TANC1: variants seen among roughly 807,000 people sequenced by gnomAD.
The protein encoded by TANC1 is protein TANC1.
Under a neutral mutation model 149.7 loss-of-function variants are expected in TANC1, and 77 were observed. That is an observed-to-expected ratio of 0.51 (90% CI 0.43 to 0.62). The LOEUF (loss-of-function observed/expected upper bound fraction) is 0.62. Among genes scored for constraint, TANC1 ranks in the 20% least tolerant of loss-of-function variants. TANC1 has a pLI of 0.00. For synonymous variants in TANC1, 854 were observed against 925.0 expected, an observed-to-expected ratio of 0.92 and a Z score of 1.39; for missense variants, 1,985 against 2,321.8, an observed-to-expected ratio of 0.85 and a Z score of 2.98.
At chr2:159,203,441 A>T (rs183763494) in intron 19 of TANC1, among the ~76,000 whole-genome samples, 2 of 152,042 alleles carry the variant, frequency 1.3e-5, no homozygotes, top group African/African-American at 4.8e-5. Flanking sequence ...TCCTGACCTC[A>T]TGATCCACCC....
chr2:158,970,964 AT>A (rs1402603095), intron 1 of TANC1, among the ~76,000 whole-genome samples: 1 of 152,208 alleles, frequency 6.6e-6, no homozygotes, highest in Non-Finnish European at 1.5e-5. Flanking sequence ...AATTATTATA[AT>A]TTATATCCAT....
chr2:159,016,982 C>A (rs116226490), intron 2 of TANC1, among the ~76,000 whole-genome samples: 6,023 of 152,172 alleles, frequency 0.04, 245 homozygotes, highest in Admixed American at 0.13. Context: ...GACAGTTTTG[C>A]TTGAGGCTGT....
In TANC1 at chr2:159,163,400, A is replaced by G; in HGVS notation, c.800A>G (p.Asp267Gly). ...QKGVLHDRRA[D>G]NCSPVAEEET... Reference sequence around the variant, plus strand: ...GGAGTGCTTCATGACCGCAGGGCAGATAACTGCTCCCCAGTGGCAGAAGAG... The same window carrying G: ...GGAGTGCTTCATGACCGCAGGGCAGGTAACTGCTCCCCAGTGGCAGAAGAG... Residue 267 changes from aspartate to glycine, a missense_variant, in exon 8 of 27, where the codon GAT (aspartate) becomes GGT (glycine). By Grantham distance (94) the Asp-to-Gly change is moderately conservative (BLOSUM62 -1). Around this residue, in one of 3 missense-constraint regions of TANC1, gnomAD observed 557 missense variants for 612.9 expected, o/e 0.91. Coordinates refer to ENST00000263635, the MANE Select transcript of TANC1 (RefSeq NM_033394.3). 2 of 1,614,248 alleles carry G rather than the reference A, an allele frequency of 1.2e-6. No homozygotes were observed. The highest frequency in any genetic ancestry group is 1.7e-6 in the Non-Finnish European group (2 of 1,180,048).
chr2:159,097,746 C>T lies in TANC1; in HGVS notation c.171C>T (p.Ala57=), dbSNP rs779203552. ...AGGACACCTATAGGGTGAGCTTGGC[C>T]AAAGGTGTCTCGATGTCTCTGCCTT... ...TAEDTYRVSL[A]KGVSMSLPSS... Residue 57 remains alanine, a synonymous_variant, in exon 4 of 27, where the codon GCC becomes GCT. Coordinates refer to ENST00000263635, the MANE Select transcript of TANC1 (RefSeq NM_033394.3). 1 of 1,614,080 alleles carries T rather than the reference C, an allele frequency of 6.2e-7. No individual in the cohort carries two copies. The highest frequency in any genetic ancestry group is 2.2e-5 in the East Asian group (1 of 44,884).
At chr2:159,078,477 G>A (rs1431759385) in intron 3 of TANC1, among the ~76,000 whole-genome samples, 1 of 152,182 alleles carries the variant, frequency 6.6e-6, no homozygotes, top group African/African-American at 2.4e-5. Flanking sequence ...GAAGGATTTT[G>A]TATCAGTTCT....
chr2:159,022,022 A>G (rs2038869062), intron 2 of TANC1, among the ~76,000 whole-genome samples: 1 of 152,250 alleles, frequency 6.6e-6, no homozygotes, highest in Non-Finnish European at 1.5e-5. Flanking sequence ...TGTCTTTTTC[A>G]GTGTTTCAGA....
intron 4 of TANC1, among the ~76,000 whole-genome samples, chr2:159,130,982 G>A (rs995398755): frequency 6.6e-6 from 1 of 152,068 alleles, no homozygotes. Flanking sequence ...AGGGCAAGCT[G>A]TGCTGCAGCA....
chr2:158,971,674 G>T (rs2032904727), intron 1 of TANC1, among the ~76,000 whole-genome samples: 1 of 151,940 alleles, frequency 6.6e-6, no homozygotes, highest in Non-Finnish European at 1.5e-5. Context: ...CCCTAAAATG[G>T]GATTACCTTG....
At chr2:159,042,809 C>T (rs571867398) in intron 2 of TANC1, among the ~76,000 whole-genome samples, 15 of 152,040 alleles carry the variant, frequency 9.9e-5, no homozygotes, top group Non-Finnish European at 1.8e-4. Context: ...TGGTGAATTT[C>T]GTAGAAACCT....
At chr2:159,168,582 G>A (rs747860303) in intron 8 of TANC1, among the ~76,000 whole-genome samples, 4 of 151,980 alleles carry the variant, frequency 2.6e-5, no homozygotes, top group Non-Finnish European at 5.9e-5. Context: ...GATTACAGGC[G>A]TGAGCCACTG....
intron 3 of TANC1, among the ~76,000 whole-genome samples, chr2:159,090,623 C>T (rs1006736733): frequency 1.3e-5 from 2 of 152,190 alleles, no homozygotes; most frequent in Non-Finnish European, 2.9e-5. Context: ...TAGACCTGGA[C>T]AAGTCTGTGC....
At chr2:159,007,346 A>G (rs1434837630) in intron 2 of TANC1, among the ~76,000 whole-genome samples, 1 of 151,996 alleles carries the variant, frequency 6.6e-6, no homozygotes, top group Non-Finnish European at 1.5e-5. Flanking sequence ...GGGTTTTTCC[A>G]TGTTGGTCAG....
intron 18 of TANC1, among the ~76,000 whole-genome samples, chr2:159,198,122 T>A (rs1350685088): frequency 6.6e-6 from 1 of 152,364 alleles, no homozygotes; most frequent in Admixed American, 6.5e-5. Flanking sequence ...TCATTTCCTC[T>A]GTCCTCTGAC....
At chr2:159,100,714 G>T (rs1409633882) in intron 4 of TANC1, among the ~76,000 whole-genome samples, 1 of 152,160 alleles carries the variant, frequency 6.6e-6, no homozygotes, top group African/African-American at 2.4e-5. Flanking sequence ...ATTTTAATTG[G>T]AAAAGTTTAG....
At chr2:158,993,014 A>T (rs970070969) in intron 1 of TANC1, among the ~76,000 whole-genome samples, 4 of 152,138 alleles carry the variant, frequency 2.6e-5, no homozygotes, top group African/African-American at 9.7e-5. Context: ...TGGGGCTGGT[A>T]TGACCTCTTT....
chr2:159,077,657 T>C (rs959563742), intron 3 of TANC1, among the ~76,000 whole-genome samples: 2 of 152,364 alleles, frequency 1.3e-5, no homozygotes, highest in Non-Finnish European at 2.9e-5. Flanking sequence ...CATATCGATA[T>C]ATAGCCTTCT....
intron 22 of TANC1, among the ~76,000 whole-genome samples, chr2:159,223,795 G>A (rs188519503): frequency 5.9e-5 from 9 of 152,338 alleles, no homozygotes; most frequent in Admixed American, 5.9e-4. Flanking sequence ...AATCTTAACA[G>A]TCTGCCGTGC....
chr2:159,225,873 T>A (rs13419975), intron 24 of TANC1, 94 bp downstream of exon 24: 491,674 of 973,432 alleles, frequency 0.51, 129,255 homozygotes, highest in Non-Finnish European at 0.56. Flanking sequence ...TACTGCACAG[T>A]CTCCATGTAA....
chr2:159,028,116 T>C (rs2039494847), intron 2 of TANC1, among the ~76,000 whole-genome samples: 1 of 152,154 alleles, frequency 6.6e-6, no homozygotes, highest in African/African-American at 2.4e-5. Flanking sequence ...CCATAGTATA[T>C]GCTAATTGCT....
Sources: gnomAD v4.1 joint callset for allele counts (sites outside exome capture counted in the v4.1 genomes callset) on GRCh38, gnomAD v4.1.1 for gene constraint, gnomAD v4.1.1 regional missense constraint, MANE v1.5 for transcripts, NCBI Gene and HGNC (gene_info 2026-07-23, HGNC 2026-07-21) for gene names.